The following NR3C1 variants were observed in gnomAD, a reference collection of about 807,000 sequenced individuals.
The protein encoded by NR3C1 is glucocorticoid receptor.
A neutral mutation model predicts 74.0 loss-of-function variants in NR3C1; 14 were observed. The ratio of observed to expected loss-of-function variants is 0.19; its 90% CI spans 0.12 to 0.30. The LOEUF (loss-of-function observed/expected upper bound fraction) is 0.30. NR3C1 is among the 10% of genes least tolerant of loss of function. The pLI, the probability that NR3C1 is intolerant of heterozygous loss-of-function variation, is 1.00. For missense variants in NR3C1, 695 were observed against 909.8 expected, an observed-to-expected ratio of 0.76 and a Z score of 3.04; for synonymous variants, 308 against 332.5, an observed-to-expected ratio of 0.93 and a Z score of 0.80.
In NR3C1 at chr5:143,414,177, C is replaced by T. The variant is rs10043090; in HGVS notation, c.-13-13325G>A. On this transcript the variant is annotated intron_variant, in intron 1 of 8. Transcript: ENST00000343796. ...TTGCTTTGCAGAAATAGTATCTCCA[C>T]TTAATTGGGCCTTTTTTGGGTGATG... is the stretch of plus-strand genomic sequence containing the variant. 3.9e-3 allele frequency among the ~76,000 whole-genome samples: 601 copies of T among 152,224 alleles called. 3 individuals are homozygous for T. Among genetic ancestry groups the T allele is most frequent in the African/African-American group, 0.014 (574 of 41,532 alleles).
chr5:143,355,483 T>TAATAAATAAATA lies in NR3C1; in HGVS notation c.1185-41327_1185-41316dup, dbSNP rs557247874. Among the ~76,000 whole-genome samples, 796 of 151,886 alleles carry TAATAAATAAATA rather than the reference T, an allele frequency of 5.2e-3. 5 individuals are homozygous for TAATAAATAAATA. Among genetic ancestry groups the TAATAAATAAATA allele is most frequent in the East Asian group, 0.022 (113 of 5,158 alleles). On this transcript the variant is annotated intron_variant, in intron 2 of 8. Coordinates refer to ENST00000394464, the MANE Select transcript of NR3C1 (RefSeq NM_000176.3). ...AGAGCAAGACCCTGTCTTTAAAAAA[T>TAATAAATAAATA]AATAAATAAATAAATAAATACATCT...
intron 3 of NR3C1, among the ~76,000 whole-genome samples, chr5:143,313,330 G>A (rs540370674): frequency 2.9e-4 from 44 of 152,232 alleles, no homozygotes; most frequent in African/African-American, 1.0e-3. Flanking sequence ...AGTAAGATTT[G>A]TGTTAATACA....
chr5:143,428,647 C>T (rs1412787230), intron 1 of NR3C1, among the ~76,000 whole-genome samples: 1 of 152,208 alleles, frequency 6.6e-6, no homozygotes, highest in Non-Finnish European at 1.5e-5. Context: ...ACTGCAATGG[C>T]AGGCTTGGGT....
At chr5:143,305,454 C>T (rs1342535417) in intron 4 of NR3C1, among the ~76,000 whole-genome samples, 3 of 152,182 alleles carry the variant, frequency 2.0e-5, no homozygotes, top group African/African-American at 7.2e-5. Context: ...CATATGTTCA[C>T]TGCAGCATGG....
rs1840680970 is a variant in NR3C1 at position 143,403,193 on chromosome 5, T to G, written c.-14+18A>C. 3 of 975,262 alleles carry G rather than the reference T, an allele frequency of 3.1e-6. No individual in the cohort carries two copies. Among genetic ancestry groups the G allele is most frequent in the African/African-American group, 1.9e-5 (1 of 53,126 alleles). The allele number at this position is 975,262 out of a possible 1,614,324, so 60.4% of individuals were successfully genotyped here. A position where few individuals can be genotyped will look rare whatever the true frequency, so the allele number is the denominator to read the frequency against. ...GGGGAGCGAGCGCGCCCCGGCCCCC[T>G]CCCGCCTCGCTTCTTACCTCTGGCA... On this transcript the variant is annotated intron_variant, in intron 1 of 8. Transcript: ENST00000394464.
rs765450269 is a variant in NR3C1, at chr5:143,300,626, A to G, written c.1606T>C (p.Leu536=). 1 of 1,614,200 alleles carries G rather than the reference A, an allele frequency of 6.2e-7. No individual in the cohort carries two copies. The highest frequency in any genetic ancestry group is 1.1e-5 in the South Asian group (1 of 91,088). Residue 536 remains leucine (L), a synonymous_variant, in exon 5 of 9, where the codon TTG becomes CTG. Transcript: ENST00000394464. This position sits in a 1 kb window ranked among gnomAD's most constrained non-coding sequence, Gnocchi z 5.2. ...AACACTTCAGGTTCAATAACCTCCA[A>G]CAGTGACACCAGGGTAGGGGTGAGT... is the stretch of plus-strand genomic sequence containing the variant. ...PQLTPTLVSL[L]EVIEPEVLYA...
intron 1 of NR3C1, chr5:143,402,742 G>T (rs1028175201): frequency 3.0e-6 from 3 of 985,278 alleles, no homozygotes; most frequent in Admixed American, 1.2e-4. Flanking sequence ...GGCGCCGCCG[G>T]GGCCTCCCCG....
chr5:143,417,209 C>T (rs1330570964), intron 1 of NR3C1, among the ~76,000 whole-genome samples: 1 of 152,022 alleles, frequency 6.6e-6, no homozygotes, highest in Non-Finnish European at 1.5e-5. Flanking sequence ...TTAGCATTTG[C>T]GATCTTGAAA....
chr5:143,373,282 CA>C (rs1446561226), intron 2 of NR3C1, among the ~76,000 whole-genome samples: 10 of 151,960 alleles, frequency 6.6e-5, no homozygotes, highest in Non-Finnish European at 1.3e-4. Flanking sequence ...CAGCGTTGTT[CA>C]AAACAGCAAA....
At chr5:143,323,658 A>T (rs1823890979) in intron 2 of NR3C1, among the ~76,000 whole-genome samples, 1 of 152,160 alleles carries the variant, frequency 6.6e-6, no homozygotes, top group African/African-American at 2.4e-5. Context: ...TTATTTCAGT[A>T]TTAACCCAGA....
chr5:143,299,468 G>T (rs1293666467), intron 5 of NR3C1, among the ~76,000 whole-genome samples: 1 of 152,150 alleles, frequency 6.6e-6, no homozygotes, highest in Non-Finnish European at 1.5e-5. Flanking sequence ...AGTGGTGATG[G>T]GGATGAAGCG....
In NR3C1 at chr5:143,356,301, G is replaced by A. The variant is rs530791576; in HGVS notation, c.1185-42133C>T. On this transcript the variant is annotated intron_variant, in intron 2 of 8. Coordinates refer to ENST00000394464, the MANE Select transcript of NR3C1 (RefSeq NM_000176.3). ...AATTAGACTGAAGTTGATTTAAATTGTTTTAAATAACCAATTTTTAGCATA... is the reference window on the plus strand; with the variant it reads ...AATTAGACTGAAGTTGATTTAAATTATTTTAAATAACCAATTTTTAGCATA... 5.3e-5 allele frequency among the ~76,000 whole-genome samples: 8 copies of A among 152,124 alleles called. No individual in the cohort carries two copies. The Middle Eastern group carries it at 0.01, about 194-fold the overall frequency.
At chr5:143,298,894 A>G in intron 5 of NR3C1, 82 bp from the exon 6 acceptor site, 2 of 1,457,532 alleles carry the variant, frequency 1.4e-6, no homozygotes, top group Non-Finnish European at 1.9e-6. Context: ...CAATGAGATC[A>G]ATTAGCCCTG....
At chr5:143,426,250 T>A (rs894105457) in intron 1 of NR3C1, among the ~76,000 whole-genome samples, 2 of 152,194 alleles carry the variant, frequency 1.3e-5, no homozygotes, top group African/African-American at 4.8e-5. Context: ...TGACTACTAA[T>A]AGAACCAGAG....
At chr5:143,299,488 GA>G (rs1443431194) in intron 5 of NR3C1, among the ~76,000 whole-genome samples, 1 of 152,166 alleles carries the variant, frequency 6.6e-6, no homozygotes, top group Non-Finnish European at 1.5e-5. Context: ...GGGAATGGTT[GA>G]CGGGTGCAAA....
intron 2 of NR3C1, among the ~76,000 whole-genome samples, chr5:143,317,664 T>C (rs1458431747): frequency 1.3e-5 from 2 of 152,170 alleles, no homozygotes; most frequent in South Asian, 4.1e-4. Context: ...TACTTAGTTT[T>C]GTTGCAAGCA....
intron 2 of NR3C1, among the ~76,000 whole-genome samples, chr5:143,337,699 T>A (rs1239956732): frequency 6.6e-6 from 1 of 152,186 alleles, no homozygotes; most frequent in Non-Finnish European, 1.5e-5. Context: ...TCCTACAATG[T>A]TGAATGAAAA....
chr5:143,332,628 G>C lies in NR3C1; in HGVS notation c.1185-18460C>G, dbSNP rs1235275615. 5 of 1,523,146 alleles carry C rather than the reference G, an allele frequency of 3.3e-6. No homozygotes were observed. The East Asian group carries it at 9.0e-5, about 27-fold the overall frequency. 94.4% of individuals were successfully genotyped at this position (1,523,146 alleles called of 1,614,324 possible). A position where few individuals can be genotyped will look rare whatever the true frequency, so the allele number is the denominator to read the frequency against. ...GATGGCAGTAGCAAGACAGAAGAAA[G>C]GAAAAGGGCTCAGGTTTAAGCGACT... On this transcript the variant is annotated intron_variant, in intron 2 of 8. Transcript: ENST00000394464.
chr5:143,288,005 T>C (rs1019173613), intron 7 of NR3C1, among the ~76,000 whole-genome samples: 1 of 152,170 alleles, frequency 6.6e-6, no homozygotes, highest in Non-Finnish European at 1.5e-5. Context: ...CAGAAGACTA[T>C]TTGTGGAACT....
Sources: allele counts gnomAD v4.1 joint callset (sites outside exome capture counted in the v4.1 genomes callset), GRCh38; gene constraint gnomAD v4.1.1; non-coding constraint Gnocchi (gnomAD v3.1); transcripts MANE v1.5; gene names NCBI Gene and HGNC (gene_info 2026-07-23, HGNC 2026-07-21).